SPMIP5: variants seen among roughly 807,000 people sequenced by gnomAD.
SPMIP5 encodes the protein sperm microtubule inner protein 5.
At chr10:116,662,573 C>T in the SPMIP5 span, among the ~76,000 whole-genome samples, 5 of 152,274 alleles carry the variant, frequency 3.3e-5, no homozygotes, top group Non-Finnish European at 5.9e-5. Flanking sequence ...AAAAAACCTC[C>T]GAGGCCCAGC....
At chr10:116,664,824 C>A in the SPMIP5 span, 1 of 1,614,060 alleles carries the variant, frequency 6.2e-7, no homozygotes, top group East Asian at 2.2e-5. Flanking sequence ...GTCCTTGTAG[C>A]AGTTTTTGGC....
the SPMIP5 span, chr10:116,664,994 T>C: frequency 6.4e-7 from 1 of 1,571,364 alleles, no homozygotes; most frequent in Non-Finnish European, 8.6e-7. Flanking sequence ...AAAAATGTTT[T>C]CCACTGACCC....
At chr10:116,663,926 C>T in the SPMIP5 span, 14 of 1,536,692 alleles carry the variant, frequency 9.1e-6, no homozygotes, top group East Asian at 1.5e-4. Flanking sequence ...GCATACTTTG[C>T]GGAGGACAGT....
the SPMIP5 span, chr10:116,665,904 C>T: frequency 2.3e-5 from 28 of 1,235,356 alleles, no homozygotes; most frequent in African/African-American, 3.0e-4. Context: ...AACTCCCCAG[C>T]ATTTCAGCCC....
the SPMIP5 span, among the ~76,000 whole-genome samples, chr10:116,668,981 G>A: frequency 1.1e-5 from 1 of 87,476 alleles, no homozygotes. Context: ...AAACAAGGGA[G>A]AAGAAATTCT....
the SPMIP5 span, among the ~76,000 whole-genome samples, chr10:116,663,224 A>AGAG: frequency 6.6e-6 from 1 of 151,482 alleles, no homozygotes. Flanking sequence ...GTGAAGGCAG[A>AGAG]GAGGCACCCA....
At chr10:116,665,251 G>A in the SPMIP5 span, 1 of 533,338 alleles carries the variant, frequency 1.9e-6, no homozygotes, top group Non-Finnish European at 2.7e-6. Flanking sequence ...ACAAAAATTA[G>A]CCAGGCATGG....
At chr10:116,665,739 CGCTG>C in the SPMIP5 span, 4 of 1,614,160 alleles carry the variant, frequency 2.5e-6, no homozygotes, top group Non-Finnish European at 3.4e-6. Context: ...TTCTTTATAG[CGCTG>C]TGTTTTCTCC....
the SPMIP5 span, chr10:116,664,285 A>G: frequency 1.3e-6 from 2 of 1,554,192 alleles, no homozygotes; most frequent in South Asian, 2.3e-5. Context: ...AAACAAGAAT[A>G]GAAGTCACAA....
the SPMIP5 span, chr10:116,665,691 G>A: frequency 5.6e-6 from 9 of 1,614,090 alleles, no homozygotes; most frequent in East Asian, 4.5e-5. Flanking sequence ...TTTCAGTTTC[G>A]GGGCAGTGGC....
the SPMIP5 span, chr10:116,668,353 G>A: frequency 2.1e-5 from 32 of 1,539,724 alleles, no homozygotes; most frequent in African/African-American, 8.5e-5. Flanking sequence ...GGAATGAAAC[G>A]GTCTCATCAA....
At chr10:116,667,986 G>A in the SPMIP5 span, among the ~76,000 whole-genome samples, 1 of 152,170 alleles carries the variant, frequency 6.6e-6, no homozygotes, top group African/African-American at 2.4e-5. Context: ...ATCACATTGT[G>A]TCTATCCTGG....
chr10:116,665,090 C>G, the SPMIP5 span: 4 of 1,423,558 alleles, frequency 2.8e-6, no homozygotes, highest in Admixed American at 1.2e-4. Flanking sequence ...GGACTGTGCC[C>G]CCTCCCCTAG....
chr10:116,665,426 AAG>A, the SPMIP5 span: 1 of 578,134 alleles, frequency 1.7e-6, no homozygotes. Flanking sequence ...AAAAAAGAAA[AAG>A]AAAGAAAGAA....
the SPMIP5 span, chr10:116,665,421 A>T: frequency 1.8e-6 from 1 of 554,526 alleles, no homozygotes; most frequent in Non-Finnish European, 3.1e-6. Flanking sequence ...AAAAAAAAAA[A>T]GAAAAAGAAA....
At chr10:116,666,455 A>ATT in the SPMIP5 span, among the ~76,000 whole-genome samples, 145 of 148,806 alleles carry the variant, frequency 9.7e-4, no homozygotes, top group African/African-American at 2.9e-3. Flanking sequence ...CAATAAAACC[A>ATT]TTTTTTTTTT....
At chr10:116,668,214 G>A in the SPMIP5 span, 56 of 1,578,480 alleles carry the variant, frequency 3.5e-5, 2 homozygotes, top group African/African-American at 1.8e-4. Flanking sequence ...ACCAGGACCC[G>A]GGTTCCCCTG....
At chr10:116,665,774 G>A in the SPMIP5 span, 1 of 1,614,134 alleles carries the variant, frequency 6.2e-7, no homozygotes, top group Non-Finnish European at 8.5e-7. Context: ...TCACACAGTG[G>A]TTCATGTCAT....
chr10:116,664,327 T>G, the SPMIP5 span: 1 of 1,217,846 alleles, frequency 8.2e-7, no homozygotes, highest in Non-Finnish European at 1.1e-6. Context: ...AATAGAATAA[T>G]AATAAATAGA....
Sources: gnomAD v4.1 joint callset for allele counts (sites outside exome capture counted in the v4.1 genomes callset) on GRCh38, gnomAD v4.1.1 for gene constraint, MANE v1.5 for transcripts, NCBI Gene and HGNC (gene_info 2026-07-23, HGNC 2026-07-21) for gene names.